MRPS31: variants seen among roughly 807,000 people sequenced by gnomAD.
The protein encoded by MRPS31 is mitochondrial ribosomal protein S31, also known as small ribosomal subunit protein mS31.
A neutral mutation model predicts 43.1 loss-of-function variants in MRPS31; 32 were observed. The observed-to-expected ratio is 0.74, with a 90% CI of 0.56 to 1.00. The LOEUF (loss-of-function observed/expected upper bound fraction) is 1.00, where lower values mean the gene tolerates loss of function less well. MRPS31 is among the 50% of genes least tolerant of loss of function. MRPS31 has a pLI of 0.00. For missense variants in MRPS31, 437 were observed against 466.7 expected (o/e 0.94, Z 0.59); for synonymous variants, 165 against 161.6 (o/e 1.02, Z -0.16).
chr13:40,764,729 C>G (rs909210355), intron 2 of MRPS31, among the ~76,000 whole-genome samples: 21 of 152,212 alleles, frequency 1.4e-4, no homozygotes, highest in African/African-American at 4.8e-4. Flanking sequence ...TGACAGCCAG[C>G]AGCAACTGCC....
chr13:40,743,366 C>T (rs1468340127), intron 6 of MRPS31, among the ~76,000 whole-genome samples: 1 of 149,952 alleles, frequency 6.7e-6, no homozygotes, highest in African/African-American at 2.4e-5. Context: ...GAAGTGGGAC[C>T]TCATTAAAGA....
intron 6 of MRPS31, among the ~76,000 whole-genome samples, chr13:40,748,633 G>C (rs1278921062): frequency 6.6e-6 from 1 of 152,204 alleles, no homozygotes. Context: ...CCAGTTCAAA[G>C]CACCTATATT....
At chr13:40,734,634 C>G (rs1879822033) in intron 6 of MRPS31, among the ~76,000 whole-genome samples, 1 of 152,126 alleles carries the variant, frequency 6.6e-6, no homozygotes, top group Non-Finnish European at 1.5e-5. Flanking sequence ...GGAACAGTGG[C>G]TTACACCTGT....
rs1309036490 is a variant in MRPS31, at chr13:40,729,306, A to G, written c.*66T>C. On this transcript the variant is annotated 3_prime_UTR_variant, in exon 7 of 7. Coordinates refer to ENST00000323563, the MANE Select transcript of MRPS31 (RefSeq NM_005830.4). Reference sequence around the variant, plus strand: ...AATCAACATAACATATACAAACTCTAGTAAAATTATTTTATTTAGTTGTAA... The same window carrying G: ...AATCAACATAACATATACAAACTCTGGTAAAATTATTTTATTTAGTTGTAA... 3 of 806,900 alleles carry G rather than the reference A, an allele frequency of 3.7e-6. No individual in the cohort carries two copies. In the East Asian group the frequency reaches 8.1e-5, roughly 22 times the overall value. 50.0% of individuals were successfully genotyped at this position (806,900 alleles called of 1,614,324 possible).
At chr13:40,759,214 G>C in intron 2 of MRPS31, 108 bp from the exon 3 acceptor site, 1 of 761,954 alleles carries the variant, frequency 1.3e-6, no homozygotes, top group Admixed American at 3.6e-5. Flanking sequence ...GAGGCAGACA[G>C]ATCACTTGAG....
At chr13:40,764,814 C>T (rs886267286) in intron 2 of MRPS31, among the ~76,000 whole-genome samples, 2 of 152,214 alleles carry the variant, frequency 1.3e-5, no homozygotes, top group African/African-American at 4.8e-5. Flanking sequence ...CCCCAGACAT[C>T]ACAGAGCACA....
intron 6 of MRPS31, among the ~76,000 whole-genome samples, chr13:40,731,975 GA>G (rs1016609976): frequency 4.1e-5 from 6 of 147,376 alleles, no homozygotes; most frequent in African/African-American, 1.2e-4. Flanking sequence ...TAATGCAAAG[GA>G]AAAAAAAAGA....
chr13:40,741,888 TACACACACAC>T (rs61011673), intron 6 of MRPS31, among the ~76,000 whole-genome samples: 40,562 of 140,740 alleles, frequency 0.29, 7,048 homozygotes, highest in Middle Eastern at 0.44. Flanking sequence ...AGTAACAAAA[TACACACACAC>T]ACACACACAC....
intron 6 of MRPS31, among the ~76,000 whole-genome samples, chr13:40,747,239 C>T (rs1034683442): frequency 2.0e-5 from 3 of 152,126 alleles, no homozygotes; most frequent in African/African-American, 4.8e-5. Context: ...CCACTGTGCC[C>T]GGCCTAATAC....
Position 40,767,009 on chromosome 13 carries a change from A to G in MRPS31, c.177T>C (p.Tyr59=), listed in dbSNP as rs773065063. Residue 59 remains tyrosine (Y), a synonymous_variant, in exon 2 of 7, where the codon TAT becomes TAC. Coordinates refer to ENST00000323563, the MANE Select transcript of MRPS31 (RefSeq NM_005830.4). The part of the protein sequence containing the change: ...LARTKNNIQR[Y]FGTNSVICSK... The stretch of plus-strand genomic sequence containing the variant: ...TACAGATCACACTGTTAGTGCCAAA[A>G]TATCTTTGGATGTTATTTTTTGTCC... The G allele has an allele frequency of 1.2e-6, 2 of 1,607,556 alleles. No individual in the cohort carries two copies. The highest frequency in any genetic ancestry group is 2.3e-5 in the South Asian group (2 of 88,864).
chr13:40,766,441 GCAC>G (rs1043328956), intron 2 of MRPS31, among the ~76,000 whole-genome samples: 1 of 152,042 alleles, frequency 6.6e-6, no homozygotes, highest in African/African-American at 2.4e-5. Flanking sequence ...TTACAAGCAC[GCAC>G]CACCATGCCC....
intron 6 of MRPS31, among the ~76,000 whole-genome samples, chr13:40,732,627 G>C (rs1459042751): frequency 6.6e-6 from 1 of 151,980 alleles, no homozygotes. Context: ...CTAGTACCTG[G>C]AACGCTGGGG....
At position 40,761,267 on chromosome 13, in the gene MRPS31, CA is replaced by C. The variant is rs11440084; in HGVS notation, c.441-2162del. On this transcript the variant is annotated intron_variant, in intron 2 of 6. Transcript: ENST00000323563. ...GAGGCACAGAGTGAGAGTCTGTCTC[CA>C]AAAAAAAAAAGAAAAGAAAAATAGA... Among the ~76,000 whole-genome samples the C allele has an allele frequency of 1.3e-3, 176 of 136,820 alleles. 1 individual carries two copies. The highest frequency in any genetic ancestry group is 3.7e-3 in the Admixed American group (51 of 13,630). 89.8% of individuals were successfully genotyped at this position (136,820 alleles called of 152,430 possible).
At chr13:40,741,733 G>A (rs1880098686) in intron 6 of MRPS31, among the ~76,000 whole-genome samples, 1 of 152,018 alleles carries the variant, frequency 6.6e-6, no homozygotes, top group South Asian at 2.1e-4. Flanking sequence ...TGTGTAAAAG[G>A]ATCTACTATA....
chr13:40,758,669 A>G (rs1474184575), intron 3 of MRPS31, among the ~76,000 whole-genome samples: 1 of 152,188 alleles, frequency 6.6e-6, no homozygotes, highest in Admixed American at 6.5e-5. Flanking sequence ...TTATTCTGTT[A>G]TTTATTTTTA....
chr13:40,731,252 CAAAAAA>C, intron 6 of MRPS31: 7 of 63,406 alleles, frequency 1.1e-4, no homozygotes, highest in Non-Finnish European at 1.9e-4. Context: ...GACCCTGTCT[CAAAAAA>C]AAAAAAAAAA....
chr13:40,768,327 A>T (rs2038374069), intron 1 of MRPS31, among the ~76,000 whole-genome samples: 1 of 152,210 alleles, frequency 6.6e-6, no homozygotes, highest in Non-Finnish European at 1.5e-5. Context: ...GACGTGCTAC[A>T]GCACTGCTTC....
intron 6 of MRPS31, among the ~76,000 whole-genome samples, chr13:40,735,613 G>T (rs1317562151): frequency 6.6e-6 from 1 of 152,042 alleles, no homozygotes; most frequent in African/African-American, 2.4e-5. Flanking sequence ...CCTCAAGTGG[G>T]TCCCTGACCC....
intron 4 of MRPS31, 121 bp from the exon 5 acceptor site, chr13:40,754,213 A>C (rs1243820065): frequency 1.5e-5 from 8 of 551,668 alleles, no homozygotes; most frequent in Non-Finnish European, 2.4e-5. Flanking sequence ...ACTGACCCAC[A>C]TCAAAAATAT....
Sources: gnomAD v4.1 joint callset for allele counts (sites outside exome capture counted in the v4.1 genomes callset) on GRCh38, gnomAD v4.1.1 for gene constraint, MANE v1.5 for transcripts, NCBI Gene and HGNC (gene_info 2026-07-23, HGNC 2026-07-21) for gene names.